Variants in IGSF5 observed in about 807,000 individuals in gnomAD.
IGSF5 encodes the protein immunoglobulin superfamily member 5, also known as immunoglobulin superfamily 5 like.
Under a neutral mutation model 39.4 loss-of-function variants are expected in IGSF5, and 41 were observed. The ratio of observed to expected loss-of-function variants is 1.04; its 90% CI spans 0.81 to 1.35. The LOEUF is 1.35. IGSF5 is among the 40% of genes most tolerant of loss of function. The pLI is 0.00. For missense variants in IGSF5, 487 were observed against 494.6 expected (o/e 0.98, Z 0.15); for synonymous variants, 183 against 175.3 (o/e 1.04, Z -0.34).
chr21:39,798,352 C>A (rs2087009500), intron 8 of IGSF5, among the ~76,000 whole-genome samples: 1 of 152,190 alleles, frequency 6.6e-6, no homozygotes, highest in South Asian at 2.1e-4. Context: ...ATGGCCTGTG[C>A]TTGCCCACCT....
chr21:39,788,732 A>G (rs747457258), intron 6 of IGSF5, among the ~76,000 whole-genome samples: 55 of 152,214 alleles, frequency 3.6e-4, no homozygotes, highest in Admixed American at 1.4e-3. Context: ...AGCACTTTTA[A>G]GGTAACTGTG....
intron 5 of IGSF5, among the ~76,000 whole-genome samples, chr21:39,784,142 T>C (rs914526722): frequency 6.6e-6 from 1 of 152,242 alleles, no homozygotes; most frequent in Admixed American, 6.5e-5. Flanking sequence ...TAAACTCCTG[T>C]TGGACCTAAA....
chr21:39,713,649 C>T, the IGSF5 span, among the ~76,000 whole-genome samples: 1 of 152,160 alleles, frequency 6.6e-6, no homozygotes, highest in Non-Finnish European at 1.5e-5. Flanking sequence ...TCTTTCATGT[C>T]GCAGGATAAG....
At chr21:39,747,617 G>A (rs1214412597) in intron 2 of IGSF5, among the ~76,000 whole-genome samples, 1 of 152,246 alleles carries the variant, frequency 6.6e-6, no homozygotes, top group African/African-American at 2.4e-5. Flanking sequence ...GAAACCCACA[G>A]AACCAGGCAA....
chr21:39,764,555 G>T (rs2080076655), intron 2 of IGSF5, among the ~76,000 whole-genome samples: 1 of 152,160 alleles, frequency 6.6e-6, no homozygotes, highest in African/African-American at 2.4e-5. Flanking sequence ...AGCCAGGCTG[G>T]TCTTGAACTC....
intron 4 of IGSF5, among the ~76,000 whole-genome samples, chr21:39,772,669 A>G (rs2080121035): frequency 1.3e-5 from 2 of 152,134 alleles, no homozygotes; most frequent in Admixed American, 6.5e-5. Context: ...TGAACGGTAC[A>G]GGTTATTTTT....
the IGSF5 span, among the ~76,000 whole-genome samples, chr21:39,718,052 T>C: frequency 1.1e-4 from 17 of 151,908 alleles, no homozygotes; most frequent in Non-Finnish European, 2.2e-4. Flanking sequence ...ATTGTAGAGA[T>C]CTTTCACATC....
At chr21:39,781,047 C>A (rs757427741) in intron 5 of IGSF5, among the ~76,000 whole-genome samples, 2 of 152,204 alleles carry the variant, frequency 1.3e-5, no homozygotes, top group Non-Finnish European at 2.9e-5. Flanking sequence ...TGTGCTAACT[C>A]TTTTACATGG....
At chr21:39,743,678 G>A (rs1290632107), upstream of IGSF5, among the ~76,000 whole-genome samples, 1 of 152,064 alleles carries the variant, frequency 6.6e-6, no homozygotes, top group Non-Finnish European at 1.5e-5. Flanking sequence ...TTCCTGTAGG[G>A]CATAAGTCAT....
chr21:39,731,631 T>G, the IGSF5 span, among the ~76,000 whole-genome samples: 7 of 152,198 alleles, frequency 4.6e-5, no homozygotes, highest in Admixed American at 3.9e-4. Flanking sequence ...AGGGGCCACA[T>G]GCCAACCAGT....
At chr21:39,751,662 TA>T (rs1421303146) in intron 2 of IGSF5, among the ~76,000 whole-genome samples, 2 of 152,146 alleles carry the variant, frequency 1.3e-5, no homozygotes, top group Non-Finnish European at 2.9e-5. Context: ...AGAAAGTTTT[TA>T]AAAAAACTTT....
At position 39,745,318 on chromosome 21, in the gene IGSF5, G is replaced by A; in HGVS notation, c.-192G>A. 5.9e-6 allele frequency: 3 copies of A among 504,664 alleles called. No individual in the cohort carries two copies. Among genetic ancestry groups the A allele is most frequent in the African/African-American group, 5.9e-5 (3 of 51,014 alleles). The allele number at this position is 504,664 out of a possible 1,614,324, so 31.3% of individuals were successfully genotyped here. The stretch of plus-strand genomic sequence containing the variant: ...AGGGACGCCAGGGATAAGACTCCCT[G>A]GGCTATAGCCTAGGTGCCTGAGGAC... On this transcript the variant is annotated 5_prime_UTR_variant, in exon 1 of 9. Transcript: ENST00000380588.
chr21:39,753,738 T>C lies in IGSF5; in HGVS notation c.100+7440T>C, dbSNP rs968192720. On this transcript the variant is annotated intron_variant, in intron 2 of 8. Transcript: ENST00000380588. Reference sequence around the variant, plus strand: ...TTTATCACTATATAATGCCCTTCTTTGTCTTTTTTTTTTTAACTGTTGTTG... The same window carrying C: ...TTTATCACTATATAATGCCCTTCTTCGTCTTTTTTTTTTTAACTGTTGTTG... Among the ~76,000 whole-genome samples the C allele has an allele frequency of 2.9e-4, 16 of 55,764 alleles. 1 individual carries two copies. In the East Asian group the frequency reaches 5.7e-3, roughly 20 times the overall value. 36.6% of individuals were successfully genotyped at this position (55,764 alleles called of 152,430 possible). A position where few individuals can be genotyped will look rare whatever the true frequency, so the allele number is the denominator to read the frequency against.
In IGSF5 at chr21:39,765,619, T is replaced by C. The variant is rs749520643; in HGVS notation, c.185T>C (p.Val62Ala). 5 of 1,614,110 alleles carry C rather than the reference T, an allele frequency of 3.1e-6. No individual in the cohort carries two copies. The East Asian group carries it at 8.9e-5, about 29-fold the overall frequency. Residue 62 changes from valine (V) to alanine (A), a missense_variant, in exon 3 of 9, where the codon GTC becomes GCC. Physicochemically the swap from Val to Ala is moderately conservative, Grantham distance 64 (BLOSUM62 0). Transcript: ENST00000380588. ...TCCCAGGCTCGCTTCAACTGCACCG[T>C]CTCCCAGGGCTGGAAGCTCATCATG... is the stretch of plus-strand genomic sequence containing the variant. ...KGSQARFNCT[V>A]SQGWKLIMWA... is the part of the protein sequence containing the mutation.
At chr21:39,716,892 G>A in the IGSF5 span, among the ~76,000 whole-genome samples, 1 of 152,158 alleles carries the variant, frequency 6.6e-6, no homozygotes, top group Non-Finnish European at 1.5e-5. Context: ...TCAAATGCTA[G>A]TTCTGCTTTT....
chr21:39,756,040 G>A (rs1225224321), intron 2 of IGSF5, among the ~76,000 whole-genome samples: 1 of 151,994 alleles, frequency 6.6e-6, no homozygotes, highest in Non-Finnish European at 1.5e-5. Context: ...GCAGTGAGCC[G>A]AGATCGTGCC....
intron 2 of IGSF5, among the ~76,000 whole-genome samples, chr21:39,747,599 T>C (rs900502870): frequency 6.6e-6 from 1 of 152,244 alleles, no homozygotes. Context: ...ATTCATTATT[T>C]ACACAAGGAA....
the IGSF5 span, among the ~76,000 whole-genome samples, chr21:39,712,656 C>T: frequency 9.2e-5 from 14 of 152,100 alleles, no homozygotes; most frequent in Non-Finnish European, 1.6e-4. Context: ...CTGCTTCGTT[C>T]ATGGGTTCAT....
intron 8 of IGSF5, among the ~76,000 whole-genome samples, chr21:39,795,622 G>A (rs943021464): frequency 1.3e-5 from 2 of 151,750 alleles, no homozygotes; most frequent in African/African-American, 4.8e-5. Context: ...GGAGCTCGGA[G>A]TGGATGCTTC....
Sources: gnomAD v4.1 joint callset for allele counts (sites outside exome capture counted in the v4.1 genomes callset) on GRCh38, gnomAD v4.1.1 for gene constraint, MANE v1.5 for transcripts, NCBI Gene and HGNC (gene_info 2026-07-23, HGNC 2026-07-21) for gene names.